Variants in MYH10 observed in about 807,000 individuals in gnomAD.
MYH10 encodes the protein myosin-10.
Under a neutral mutation model 257.8 loss-of-function variants are expected in MYH10, and 55 were observed. The observed-to-expected ratio is 0.21, with a 90% CI of 0.17 to 0.27. MYH10 has a LOEUF of 0.27. Among genes scored for constraint, MYH10 ranks in the 10% least tolerant of loss-of-function variants. The pLI, the probability that MYH10 is intolerant of heterozygous loss-of-function variation, is 1.00. For synonymous variants in MYH10, 854 were observed against 921.7 expected (o/e 0.93, Z 1.33); for missense variants, 1,631 against 2,500.6 (o/e 0.65, Z 7.42).
At chr17:8,557,355 T>C (rs2082839340) in intron 7 of MYH10, among the ~76,000 whole-genome samples, 1 of 152,004 alleles carries the variant, frequency 6.6e-6, no homozygotes, top group Non-Finnish European at 1.5e-5. Context: ...GGAATGTGTG[T>C]GGGGAGTGTG....
chr17:8,542,194 T>C lies in MYH10; in HGVS notation c.1518A>G (p.Gln506=). The C allele has an allele frequency of 6.2e-7, 1 of 1,614,192 alleles. No homozygotes were observed. Among genetic ancestry groups the C allele is most frequent in the East Asian group, 2.2e-5 (1 of 44,884 alleles). ...LFNHTMFILE[Q]EEYQREGIEW... is the part of the protein sequence containing the mutation. Reference sequence around the variant, plus strand: ...CGATGCCTTCGCGCTGGTATTCCTCTTGTTCTAGGATAAACATGGTGTGGT... The same window carrying C: ...CGATGCCTTCGCGCTGGTATTCCTCCTGTTCTAGGATAAACATGGTGTGGT... The change falls in exon 14 of 43, where the codon CAA becomes CAG. Residue 506 remains glutamine (Q), a synonymous_variant. Coordinates refer to ENST00000360416, the MANE Select transcript of MYH10 (RefSeq NM_001256012.3).
chr17:8,506,232 G>C lies in MYH10; in HGVS notation c.3386+86C>G. The C allele has an allele frequency of 7.3e-7, 1 of 1,376,438 alleles. No individual in the cohort carries two copies. The highest frequency in any genetic ancestry group is 1.6e-5 in the South Asian group (1 of 61,912). 85.3% of individuals were successfully genotyped at this position (1,376,438 alleles called of 1,614,324 possible). On this transcript the variant is annotated intron_variant, in intron 27 of 42. Coordinates refer to ENST00000360416, the MANE Select transcript of MYH10 (RefSeq NM_001256012.3). This position sits in a 1 kb window ranked among gnomAD's most constrained non-coding sequence, Gnocchi z 5.0. ...AGCAAACCCCATCTCACTCTCCCAG[G>C]GTTTTTGAATGCTCCCGAACATAAC... is the stretch of plus-strand genomic sequence containing the variant.
chr17:8,602,747 C>T lies in MYH10; in HGVS notation c.502+2079G>A, dbSNP rs1388178116. Among the ~76,000 whole-genome samples, 3 of 152,200 alleles carry T rather than the reference C, an allele frequency of 2.0e-5. 1 individual carries two copies. In the East Asian group the frequency reaches 5.8e-4, roughly 29 times the overall value. The stretch of plus-strand genomic sequence containing the variant: ...GTGTCACACTGCCTGGTTTTGAATC[C>T]TAGCTTGTATTTTTCACTATATACA... On this transcript the variant is annotated intron_variant, in intron 3 of 42. Coordinates refer to ENST00000360416, the MANE Select transcript of MYH10 (RefSeq NM_001256012.3).
chr17:8,615,527 T>C (rs2085225270), intron 2 of MYH10, among the ~76,000 whole-genome samples: 1 of 152,196 alleles, frequency 6.6e-6, no homozygotes, highest in South Asian at 2.1e-4. Flanking sequence ...CACTGATGAA[T>C]GAGGATGCAA....
At chr17:8,577,420 G>T in intron 4 of MYH10, 82 bp from the exon 5 acceptor site, 1 of 699,492 alleles carries the variant, frequency 1.4e-6, no homozygotes, top group Non-Finnish European at 2.4e-6. Context: ...AAATTAAATT[G>T]TATTGGAACA....
In MYH10 at chr17:8,548,420, TA is replaced by T; in HGVS notation, c.1064-13del. 2.1e-6 allele frequency: 3 copies of T among 1,416,102 alleles called. No homozygotes were observed. The highest frequency in any genetic ancestry group is 2.8e-6 in the Non-Finnish European group (3 of 1,081,956). The allele number at this position is 1,416,102 out of a possible 1,614,324, so 87.7% of individuals were successfully genotyped here. ...TACTTTAAGCATTGCTTCATATTGATAAAAAGAAAAAAAAAATTAATATTGC... is the reference window on the plus strand; with the variant it reads ...TACTTTAAGCATTGCTTCATATTGATAAAAGAAAAAAAAAATTAATATTGC... On this transcript the variant is annotated splice_polypyrimidine_tract_variant and intron_variant, in intron 10 of 42. Transcript: ENST00000360416.
At chr17:8,591,817 G>C (rs375556745) in intron 3 of MYH10, among the ~76,000 whole-genome samples, 84 of 152,144 alleles carry the variant, frequency 5.5e-4, no homozygotes, top group African/African-American at 1.8e-3. Context: ...CTTCTAGCCA[G>C]ACTCATCTAT....
intron 36 of MYH10, among the ~76,000 whole-genome samples, 192 bp from the exon 37 acceptor site, chr17:8,484,458 T>C (rs1231344120): frequency 6.6e-6 from 1 of 152,176 alleles, no homozygotes; most frequent in African/African-American, 2.4e-5. Flanking sequence ...TGGTATTTTT[T>C]TTCTAGATTA....
chr17:8,539,751 C>A (rs2082243368), intron 14 of MYH10, among the ~76,000 whole-genome samples: 1 of 151,926 alleles, frequency 6.6e-6, no homozygotes. Flanking sequence ...CCATACCTGG[C>A]TAATTTTAAA....
chr17:8,613,144 A>G (rs1274295778), intron 2 of MYH10, among the ~76,000 whole-genome samples: 1 of 152,228 alleles, frequency 6.6e-6, no homozygotes, highest in Non-Finnish European at 1.5e-5. Context: ...CTGAATTCTC[A>G]ACAGAAAAAG....
intron 5 of MYH10, 44 bp downstream of exon 5, chr17:8,577,192 T>C: frequency 6.8e-7 from 1 of 1,477,860 alleles, no homozygotes; most frequent in African/African-American, 1.4e-5. Flanking sequence ...TCTGAAATTA[T>C]AAAAGAAGAA....
intron 4 of MYH10, among the ~76,000 whole-genome samples, chr17:8,585,486 C>T (rs1285650409): frequency 6.6e-6 from 1 of 151,758 alleles, no homozygotes; most frequent in East Asian, 1.9e-4. Context: ...CCCAGTCACA[C>T]ACACTTGGAG....
At position 8,595,425 on chromosome 17, in the gene MYH10, C is replaced by T. The variant is rs867741988; in HGVS notation, c.503-6317G>A. Reference sequence around the variant, plus strand: ...TGCTGTCTCCCCAGTAAGAACAGTTCTTTTTTTTTTTTTTTTTTTTTTTTG... The same window carrying T: ...TGCTGTCTCCCCAGTAAGAACAGTTTTTTTTTTTTTTTTTTTTTTTTTTTG... On this transcript the variant is annotated intron_variant, in intron 3 of 42. Transcript: ENST00000360416. Among the ~76,000 whole-genome samples, 229 of 84,166 alleles carry T rather than the reference C, an allele frequency of 2.7e-3. 1 individual carries two copies. Among genetic ancestry groups the T allele is most frequent in the African/African-American group, 0.012 (197 of 17,126 alleles). The allele number at this position is 84,166 out of a possible 152,430, so 55.2% of individuals were successfully genotyped here. A position where few individuals can be genotyped will look rare whatever the true frequency, so the allele number is the denominator to read the frequency against.
chr17:8,605,289 T>C (rs1447225648), intron 2 of MYH10, among the ~76,000 whole-genome samples: 4 of 152,194 alleles, frequency 2.6e-5, no homozygotes, highest in Admixed American at 6.5e-5. Flanking sequence ...AATATGTTAT[T>C]TACTTTTTTA....
intron 7 of MYH10, among the ~76,000 whole-genome samples, chr17:8,563,858 T>C (rs971987539): frequency 8.2e-5 from 12 of 147,238 alleles, no homozygotes; most frequent in Admixed American, 4.1e-4. Context: ...TACATAATAG[T>C]TGGAAATTGC....
At chr17:8,513,718 C>T in intron 22 of MYH10, 49 bp from the exon 23 acceptor site, 5 of 1,609,118 alleles carry the variant, frequency 3.1e-6, no homozygotes, top group Non-Finnish European at 4.2e-6. Flanking sequence ...CCAGCTCTTT[C>T]CTATGGGTTT....
intron 6 of MYH10, 82 bp downstream of exon 6, chr17:8,576,561 T>A: frequency 1.5e-6 from 2 of 1,352,048 alleles, no homozygotes; most frequent in South Asian, 2.6e-5. Context: ...ACTAGTGGCA[T>A]TTGATTCTAG....
At chr17:8,487,685 T>C in intron 35 of MYH10, 91 bp from the exon 36 acceptor site, 2 of 1,467,376 alleles carry the variant, frequency 1.4e-6, no homozygotes, top group South Asian at 2.4e-5. Flanking sequence ...CTCTGGTTAC[T>C]CGGGTGAGTG....
At chr17:8,603,988 T>C (rs966470514) in intron 3 of MYH10, among the ~76,000 whole-genome samples, 5 of 152,142 alleles carry the variant, frequency 3.3e-5, no homozygotes, top group Non-Finnish European at 5.9e-5. Flanking sequence ...TCCTTCACAC[T>C]ATCCTTCAGA....
Sources: allele counts gnomAD v4.1 joint callset (sites outside exome capture counted in the v4.1 genomes callset), GRCh38; gene constraint gnomAD v4.1.1; non-coding constraint Gnocchi (gnomAD v3.1); transcripts MANE v1.5; gene names NCBI Gene and HGNC (gene_info 2026-07-23, HGNC 2026-07-21).